The following DST variants were observed in gnomAD, a reference collection of about 807,000 sequenced individuals.
DST encodes dystonin, also known as bullous pemphigoid antigen.
In DST, 253 loss-of-function variants were observed where a neutral mutation model predicts 875.2. The observed-to-expected ratio is 0.29, with a 90% confidence interval of 0.26 to 0.32. DST has a LOEUF of 0.32. Ranked by LOEUF, DST falls within the 10% of genes least tolerant of loss-of-function variation. The probability of loss-of-function intolerance (pLI) is 1.00; values close to 1 mark genes in which losing one functional copy is unlikely to be tolerated. For missense variants in DST, 8,287 were observed against 9,111.6 expected (o/e 0.91, Z 3.68); for synonymous variants, 3,124 against 3,197.1 (o/e 0.98, Z 0.77).
chr6:56,842,977 G>A, intron 4 of DST: 1 of 1,271,446 alleles, frequency 7.9e-7, no homozygotes, highest in Non-Finnish European at 1.0e-6. Flanking sequence ...AAGGAGTGGT[G>A]GCTCTGATTA....
At chr6:56,809,391 T>C (rs2099757103) in intron 4 of DST, among the ~76,000 whole-genome samples, 1 of 152,190 alleles carries the variant, frequency 6.6e-6, no homozygotes, top group African/African-American at 2.4e-5. Flanking sequence ...CTCAGGGGTA[T>C]ACAAATCTTT....
chr6:56,840,810 A>G (rs1246823985), intron 4 of DST, among the ~76,000 whole-genome samples: 1 of 152,222 alleles, frequency 6.6e-6, no homozygotes, highest in Non-Finnish European at 1.5e-5. Context: ...CTAACATTAT[A>G]GATTATTACA....
intron 9 of DST, among the ~76,000 whole-genome samples, chr6:56,684,847 C>T (rs1201515793): frequency 2.6e-5 from 4 of 152,182 alleles, no homozygotes; most frequent in Non-Finnish European, 4.4e-5. Flanking sequence ...GGCTTCTATA[C>T]TGGCAAAGGA....
chr6:56,649,648 G>A (rs1002815736), intron 12 of DST, among the ~76,000 whole-genome samples: 2 of 152,182 alleles, frequency 1.3e-5, no homozygotes, highest in East Asian at 3.8e-4. Flanking sequence ...CATTGACATG[G>A]AAATGTCCTG....
chr6:56,717,273 C>G (rs772873523), intron 5 of DST, among the ~76,000 whole-genome samples: 9 of 152,156 alleles, frequency 5.9e-5, no homozygotes, highest in Non-Finnish European at 2.9e-5. Context: ...AGGGTTCACA[C>G]TCTTATGAGA....
chr6:56,730,825 AT>A (rs1188664892), intron 5 of DST, among the ~76,000 whole-genome samples: 7 of 152,356 alleles, frequency 4.6e-5, no homozygotes, highest in African/African-American at 1.7e-4. Context: ...AAAGGAAAAC[AT>A]TCTTAATAGA....
intron 4 of DST, among the ~76,000 whole-genome samples, chr6:56,741,719 G>A (rs2099547406): frequency 6.6e-6 from 1 of 152,148 alleles, no homozygotes; most frequent in South Asian, 2.1e-4. Flanking sequence ...ATTTCAGTTA[G>A]AGATGTCTAA....
chr6:56,577,717 T>C (rs2097895172), intron 50 of DST, among the ~76,000 whole-genome samples: 1 of 152,172 alleles, frequency 6.6e-6, no homozygotes, highest in Non-Finnish European at 1.5e-5. Flanking sequence ...TTGTGGAATA[T>C]TTTTACTTCA....
At chr6:56,953,073 C>CA (rs1484530152) in intron 2 of DST, among the ~76,000 whole-genome samples, 2 of 152,172 alleles carry the variant, frequency 1.3e-5, no homozygotes, top group Non-Finnish European at 2.9e-5. Context: ...CAGCAACCTC[C>CA]AAGCCTGGCG....
chr6:56,529,806 A>C (rs1326084913), intron 65 of DST, 32 bp from the exon 66 acceptor site: 2 of 1,477,430 alleles, frequency 1.4e-6, no homozygotes, highest in African/African-American at 2.8e-5. Flanking sequence ...AAAGAAGAAA[A>C]ACAAAAAGAA....
At chr6:56,700,369 G>C (rs1371852292) in intron 8 of DST, among the ~76,000 whole-genome samples, 2 of 152,134 alleles carry the variant, frequency 1.3e-5, no homozygotes, top group Non-Finnish European at 2.9e-5. Flanking sequence ...CTCCTCAAGT[G>C]AGAAGTCCTA....
intron 69 of DST, among the ~76,000 whole-genome samples, chr6:56,521,592 T>G (rs1389222287): frequency 8.4e-6 from 1 of 118,806 alleles, no homozygotes; most frequent in African/African-American, 3.4e-5. Context: ...AAACATTTGC[T>G]CTGCTAAGGA....
intron 10 of DST, among the ~76,000 whole-genome samples, chr6:56,658,132 G>C (rs879261504): frequency 6.6e-6 from 1 of 150,732 alleles, no homozygotes; most frequent in Admixed American, 6.6e-5. Flanking sequence ...GCGCAATCTC[G>C]GCTCACTGCA....
In DST at chr6:56,469,078, A is replaced by G. The variant is rs41271854; in HGVS notation, c.22552-79T>C. On this transcript the variant is annotated intron_variant, in intron 97 of 103. Coordinates refer to ENST00000680361, the MANE Select transcript of DST (RefSeq NM_001374736.1). ...CTGTATGACTCTAGAACATACACAC[A>G]TACTCACACTCTGTGCTTCTGGATG... is the stretch of plus-strand genomic sequence containing the variant. The G allele has an allele frequency of 5.4e-6, 6 of 1,113,570 alleles. No homozygotes were observed. In the Admixed American group the frequency reaches 6.4e-5, roughly 12 times the overall value. The allele number at this position is 1,113,570 out of a possible 1,614,324, so 69.0% of individuals were successfully genotyped here.
intron 4 of DST, among the ~76,000 whole-genome samples, chr6:56,823,317 T>G (rs2099775360): frequency 6.6e-6 from 1 of 152,346 alleles, no homozygotes; most frequent in African/African-American, 2.4e-5. Context: ...GCATCTTTTC[T>G]CTCTAGAATT....
intron 10 of DST, among the ~76,000 whole-genome samples, chr6:56,664,428 T>G (rs1285938142): frequency 6.6e-6 from 1 of 152,214 alleles, no homozygotes; most frequent in Non-Finnish European, 1.5e-5. Context: ...AGAGGAGAGC[T>G]GAACCCTCTG....
chr6:56,664,640 CT>C (rs1189566697), intron 10 of DST, among the ~76,000 whole-genome samples: 1 of 152,102 alleles, frequency 6.6e-6, no homozygotes, highest in African/African-American at 2.4e-5. Flanking sequence ...TTGTGACAAC[CT>C]TTTGATCTAA....
chr6:56,550,302 C>A (rs1419991106), intron 61 of DST, among the ~76,000 whole-genome samples: 1 of 151,936 alleles, frequency 6.6e-6, no homozygotes, highest in South Asian at 2.1e-4. Context: ...TTCTTTATTG[C>A]TGAATTTCAA....
intron 84 of DST, 43 bp downstream of exon 84, chr6:56,492,891 G>A: frequency 1.4e-6 from 2 of 1,384,466 alleles, no homozygotes; most frequent in South Asian, 1.7e-5. Flanking sequence ...AAAAAAGCCT[G>A]GTGTCTGAAA....
Sources: gnomAD v4.1 joint callset for allele counts (sites outside exome capture counted in the v4.1 genomes callset) on GRCh38, gnomAD v4.1.1 for gene constraint, MANE v1.5 for transcripts, NCBI Gene and HGNC (gene_info 2026-07-23, HGNC 2026-07-21) for gene names.